Variants in CYB5R4 observed in about 807,000 individuals in gnomAD.
The protein encoded by CYB5R4 is N-terminal cytochrome b5 and cytochrome b5 oxidoreductase domain-containing protein.
Under a neutral mutation model 70.2 loss-of-function variants are expected in CYB5R4, and 55 were observed. The observed-to-expected ratio is 0.78, with a 90% CI of 0.63 to 0.98. The LOEUF (loss-of-function observed/expected upper bound fraction) is 0.98, where lower values mean the gene tolerates loss of function less well. Ranked by LOEUF, CYB5R4 falls within the 50% of genes least tolerant of loss-of-function variation. The pLI, the probability that CYB5R4 is intolerant of heterozygous loss-of-function variation, is 0.00. For synonymous variants in CYB5R4, 197 were observed against 199.5 expected (o/e 0.99, Z 0.11); for missense variants, 562 against 612.6 (o/e 0.92, Z 0.87).
Position 83,893,607 on chromosome 6 carries a change from T to C in CYB5R4, c.315T>C (p.Thr105=). 4 of 1,607,976 alleles carry C rather than the reference T, an allele frequency of 2.5e-6. No homozygotes were observed. Among genetic ancestry groups the C allele is most frequent in the Middle Eastern group, 1.7e-4 (1 of 6,040 alleles). Reference sequence around the variant, plus strand: ...TGAGAGCAGCAGGATCAGATGGTACTGAACTTTTTGATCAGGTAAGATGTG... The same window carrying C: ...TGAGAGCAGCAGGATCAGATGGTACCGAACTTTTTGATCAGGTAAGATGTG... ...ELMRAAGSDG[T]ELFDQVHRWV... is the part of the protein sequence containing the mutation. The change falls in exon 3 of 16, where the codon ACT becomes ACC. Residue 105 remains threonine, a synonymous_variant. Coordinates refer to ENST00000369681, the MANE Select transcript of CYB5R4 (RefSeq NM_016230.4).
At chr6:83,861,580 C>T (rs777684943) in intron 1 of CYB5R4, among the ~76,000 whole-genome samples, 2 of 152,166 alleles carry the variant, frequency 1.3e-5, no homozygotes, top group Non-Finnish European at 2.9e-5. Context: ...CCTGCTACAG[C>T]CCAAAGATAT....
rs1006525534 is a variant in CYB5R4, at chr6:83,967,028, C to T, written c.*7150C>T. 2.6e-5 allele frequency: 4 copies of T among 152,138 alleles called. No individual in the cohort carries two copies. The highest frequency in any genetic ancestry group is 5.9e-5 in the Non-Finnish European group (4 of 68,010). The allele number at this position is 152,138 out of a possible 1,614,324, so 9.4% of individuals were successfully genotyped here. On this transcript the variant is annotated 3_prime_UTR_variant, in exon 16 of 16. Coordinates refer to ENST00000369681, the MANE Select transcript of CYB5R4 (RefSeq NM_016230.4). ...ATTAGATCATCACCAGACTTTTCAA[C>T]AGCATTGCCTTATGCTTTAAGAAAG...
At position 83,910,262 on chromosome 6, in the gene CYB5R4, T is replaced by G; in HGVS notation, c.412+1172T>G. 3 of 806,798 alleles carry G rather than the reference T, an allele frequency of 3.7e-6. No homozygotes were observed. In the South Asian group the frequency reaches 5.3e-5, roughly 14 times the overall value. 50.0% of individuals were successfully genotyped at this position (806,798 alleles called of 1,614,324 possible). On this transcript the variant is annotated intron_variant, in intron 4 of 15. Coordinates refer to ENST00000369681, the MANE Select transcript of CYB5R4 (RefSeq NM_016230.4). ...GTCAAAGTTCTTTCTTCTAGAAGCC[T>G]CAGTTTCCTCATTGGTAAAATGGAG... is the stretch of plus-strand genomic sequence containing the variant.
chr6:83,914,600 C>T, intron 5 of CYB5R4, 152 bp downstream of exon 5: 1 of 614,708 alleles, frequency 1.6e-6, no homozygotes, highest in Non-Finnish European at 2.5e-6. Context: ...TGCAGTGGCA[C>T]CATCTCAGCT....
chr6:83,871,335 A>T (rs753200933), intron 2 of CYB5R4, among the ~76,000 whole-genome samples: 4 of 152,138 alleles, frequency 2.6e-5, no homozygotes, highest in Non-Finnish European at 5.9e-5. Context: ...ATTTCACATG[A>T]TTATGCAAAT....
intron 3 of CYB5R4, among the ~76,000 whole-genome samples, chr6:83,894,165 T>G (rs2099461530): frequency 6.6e-6 from 1 of 152,196 alleles, no homozygotes; most frequent in African/African-American, 2.4e-5. Flanking sequence ...TCTCAAAAGA[T>G]ATTTAAATTA....
intron 3 of CYB5R4, among the ~76,000 whole-genome samples, chr6:83,903,527 G>T (rs935973001): frequency 6.6e-6 from 1 of 151,928 alleles, no homozygotes; most frequent in Non-Finnish European, 1.5e-5. Flanking sequence ...TTGGTATCAG[G>T]GTAATGCTGG....
At chr6:83,895,628 G>A (rs2099461764) in intron 3 of CYB5R4, among the ~76,000 whole-genome samples, 2 of 152,150 alleles carry the variant, frequency 1.3e-5, no homozygotes, top group Non-Finnish European at 2.9e-5. Context: ...TCTTATTTCT[G>A]TTCTTGAGTG....
rs2099474177 is a variant in CYB5R4 at position 83,966,918 on chromosome 6, T to A, written c.*7040T>A. The A allele has an allele frequency of 6.6e-6, 1 of 152,192 alleles. No individual in the cohort carries two copies. The highest frequency in any genetic ancestry group is 1.5e-5 in the Non-Finnish European group (1 of 68,036). The allele number at this position is 152,192 out of a possible 1,614,324, so 9.4% of individuals were successfully genotyped here. ...ACATCCAAAAAGACCAACATTAATA[T>A]AAATTTTAGTAAAATTACTGAACCA... On this transcript the variant is annotated 3_prime_UTR_variant, in exon 16 of 16. Transcript: ENST00000369681.
rs143570792 is a variant in CYB5R4 at position 83,936,353 on chromosome 6, C to T, written c.1085C>T (p.Pro362Leu). ...IKIYPTGLFT[P>L]ELDRLQIGDF... Reference sequence around the variant, plus strand: ...ATCTATCCCACTGGACTCTTCACACCAGAGCTTGATCGTCTTCAGATTGGT... The same window carrying T: ...ATCTATCCCACTGGACTCTTCACACTAGAGCTTGATCGTCTTCAGATTGGT... Residue 362 changes from proline to leucine, a missense_variant, in exon 12 of 16, where the codon CCA becomes CTA. Coordinates refer to ENST00000369681, the MANE Select transcript of CYB5R4 (RefSeq NM_016230.4). 6.2e-7 allele frequency: 1 copy of T among 1,611,038 alleles called. No homozygotes were observed. The highest frequency in any genetic ancestry group is 1.3e-5 in the African/African-American group (1 of 74,602).
intron 5 of CYB5R4, among the ~76,000 whole-genome samples, chr6:83,916,796 G>A: frequency 6.6e-6 from 1 of 152,116 alleles, no homozygotes. Flanking sequence ...TGTCTAAAAA[G>A]AATCTTGAAA....
rs754484364 is a variant in CYB5R4, at chr6:83,940,509, C to A, written c.1260-6C>A. On this transcript the variant is annotated splice_polypyrimidine_tract_variant and splice_region_variant and intron_variant, in intron 13 of 15. Coordinates refer to ENST00000369681, the MANE Select transcript of CYB5R4 (RefSeq NM_016230.4). ...GTTATTTCTGAGTTTTTTTTTTTCT[C>A]TTAAGGAAAGTGAAGCTGATGTTCT... 3 of 1,543,276 alleles carry A rather than the reference C, an allele frequency of 1.9e-6. No individual in the cohort carries two copies. Among genetic ancestry groups the A allele is most frequent in the South Asian group, 1.2e-5 (1 of 81,560 alleles).
chr6:83,940,303 T>C, intron 13 of CYB5R4, 97 bp downstream of exon 13: 2 of 1,215,954 alleles, frequency 1.6e-6, no homozygotes, highest in Non-Finnish European at 1.1e-6. Flanking sequence ...AATAGACATG[T>C]TACCATTTCC....
At chr6:83,894,379 A>G (rs1172111020) in intron 3 of CYB5R4, among the ~76,000 whole-genome samples, 2 of 152,170 alleles carry the variant, frequency 1.3e-5, no homozygotes, top group African/African-American at 4.8e-5. Context: ...GATTTTTATC[A>G]TTCGAGATAC....
chr6:83,921,037 GA>G, intron 7 of CYB5R4, 44 bp from the exon 8 acceptor site: 1 of 1,364,448 alleles, frequency 7.3e-7, no homozygotes, highest in Non-Finnish European at 9.8e-7. Flanking sequence ...AAGTTTGGGG[GA>G]AAATTTTACT....
chr6:83,926,019 T>A (rs575177574), intron 10 of CYB5R4, among the ~76,000 whole-genome samples: 5 of 152,254 alleles, frequency 3.3e-5, no homozygotes, highest in Non-Finnish European at 7.3e-5. Context: ...TGTTTTCTTC[T>A]CACTGTATAA....
chr6:83,957,622 CA>C (rs34196225), intron 15 of CYB5R4, among the ~76,000 whole-genome samples: 862 of 66,898 alleles, frequency 0.013, 8 homozygotes, highest in African/African-American at 0.033. Context: ...AACTCTGTCT[CA>C]AAAAAAAAAA....
intron 2 of CYB5R4, among the ~76,000 whole-genome samples, chr6:83,868,737 T>C (rs2099457118): frequency 5.3e-5 from 8 of 152,220 alleles, no homozygotes; most frequent in Admixed American, 5.2e-4. Flanking sequence ...AGCAAGTAGC[T>C]AAATCACTCG....
intron 2 of CYB5R4, among the ~76,000 whole-genome samples, chr6:83,871,341 C>T (rs1163920741): frequency 6.6e-6 from 1 of 152,138 alleles, no homozygotes; most frequent in Non-Finnish European, 1.5e-5. Context: ...CATGATTATG[C>T]AAATAATCTA....
Sources: gnomAD v4.1 joint callset for allele counts (sites outside exome capture counted in the v4.1 genomes callset) on GRCh38, gnomAD v4.1.1 for gene constraint, MANE v1.5 for transcripts, NCBI Gene and HGNC (gene_info 2026-07-23, HGNC 2026-07-21) for gene names.